The following PCDH15 variants were observed in gnomAD, a reference collection of about 807,000 sequenced individuals.
PCDH15 encodes protocadherin-15.
A neutral mutation model predicts 178.5 loss-of-function variants in PCDH15; 129 were observed. That is an observed-to-expected ratio of 0.72 (90% CI 0.63 to 0.84). The LOEUF is 0.84. Among genes scored for constraint, PCDH15 ranks in the 40% least tolerant of loss-of-function variants. PCDH15 has a pLI of 0.00. For synonymous variants in PCDH15, 800 were observed against 732.0 expected, an observed-to-expected ratio of 1.09 and a Z score of -1.50; for missense variants, 2,230 against 2,099.9, an observed-to-expected ratio of 1.06 and a Z score of -1.21.
intron 2 of PCDH15, among the ~76,000 whole-genome samples, chr10:55,618,881 G>T (rs1033953778): frequency 6.6e-6 from 1 of 152,128 alleles, no homozygotes; most frequent in East Asian, 1.9e-4. Context: ...TCTGGATGAA[G>T]GCAGATAAAG....
intron 13 of PCDH15, among the ~76,000 whole-genome samples, chr10:54,173,719 A>C (rs2047133373): frequency 6.6e-6 from 1 of 152,198 alleles, no homozygotes; most frequent in South Asian, 2.1e-4. Flanking sequence ...GTGATAGAAA[A>C]AGAAGAAAAG....
intron 2 of PCDH15, among the ~76,000 whole-genome samples, chr10:55,590,387 C>T (rs1452178587): frequency 2.6e-5 from 4 of 151,476 alleles, no homozygotes; most frequent in African/African-American, 9.7e-5. Flanking sequence ...GGGTGCAGCA[C>T]ACCAGCATGG....
intron 1 of PCDH15, among the ~76,000 whole-genome samples, chr10:55,192,666 C>T (rs1839973841): frequency 6.6e-6 from 1 of 151,622 alleles, no homozygotes; most frequent in African/African-American, 2.4e-5. Context: ...TTTCACTAAA[C>T]ATTTTTCTTC....
intron 1 of PCDH15, among the ~76,000 whole-genome samples, chr10:55,230,319 C>T (rs1441271945): frequency 1.3e-5 from 2 of 151,988 alleles, no homozygotes; most frequent in Non-Finnish European, 2.9e-5. Context: ...TACACACAGA[C>T]AGTGACATAC....
At chr10:54,453,673 AAAAG>A (rs541240119) in intron 3 of PCDH15, among the ~76,000 whole-genome samples, 109 of 152,188 alleles carry the variant, frequency 7.2e-4, no homozygotes, top group African/African-American at 2.5e-3. Flanking sequence ...AAAGAAAAAA[AAAAG>A]AAAGTGAAAT....
rs11004239 is a variant in PCDH15, at chr10:54,329,406, C to T, written c.705+190G>A. On this transcript the variant is annotated intron_variant, in intron 7 of 37. Transcript: ENST00000644397. ...TGAATAATTTAGAGGTCAAAGAATA[C>T]AGTGAATAAAAACAACCTATTCTAT... Among the ~76,000 whole-genome samples the T allele has an allele frequency of 0.68, 102,485 of 151,634 alleles. 35,371 individuals carry two copies. Among genetic ancestry groups the T allele is most frequent in the Middle Eastern group, 0.82 (240 of 294 alleles).
Position 54,356,175 on chromosome 10 carries a change from ACATTGTGTGT to A in PCDH15, c.475-9701_475-9692del, listed in dbSNP as rs1480024295. Among the ~76,000 whole-genome samples the A allele has an allele frequency of 5.3e-5, 8 of 152,204 alleles. No homozygotes were observed. In the East Asian group the frequency reaches 1.5e-3, roughly 29 times the overall value. ...CATCACTACCAATAATGAAACAGAT[ACATTGTGTGT>A]CTTTTGTGTTACATGCTATGATAAA... On this transcript the variant is annotated intron_variant, in intron 5 of 37. Transcript: ENST00000644397.
chr10:54,398,074 A>C (rs1280865354), intron 3 of PCDH15, among the ~76,000 whole-genome samples: 1 of 151,994 alleles, frequency 6.6e-6, no homozygotes, highest in East Asian at 1.9e-4. Context: ...TATCCCATGC[A>C]GAGATCAGAT....
At chr10:54,655,043 C>T (rs1397152060) in intron 2 of PCDH15, 1 of 152,290 alleles carries the variant, frequency 6.6e-6, no homozygotes, top group African/African-American at 2.4e-5. Context: ...AACCCCATCT[C>T]TACTAAAAAT....
In PCDH15 at chr10:54,527,371, A is replaced by T. The variant is rs138865357; in HGVS notation, c.157+441T>A. 1.2e-4 allele frequency among the ~76,000 whole-genome samples: 18 copies of T among 152,170 alleles called. No homozygotes were observed. The East Asian group carries it at 3.5e-3, about 29-fold the overall frequency. The stretch of plus-strand genomic sequence containing the variant: ...CTAAGCACATTAGGTTTTCCTATTA[A>T]TCAGTCACAATCACCATGTCTAATC... On this transcript the variant is annotated intron_variant, in intron 3 of 37. Coordinates refer to ENST00000644397, the MANE Select transcript of PCDH15 (RefSeq NM_001384140.1).
Position 55,583,078 on chromosome 10 carries a change from A to G in PCDH15, c.-156+44547T>C, listed in dbSNP as rs540823433. Among the ~76,000 whole-genome samples, 3 of 152,240 alleles carry G rather than the reference A, an allele frequency of 2.0e-5. No homozygotes were observed. In the East Asian group the frequency reaches 5.8e-4, roughly 29 times the overall value. ...TTTATTTACATTTTTCCTACCATCA[A>G]TCTTTACTTCATTATAAAATGCGGT... is the stretch of plus-strand genomic sequence containing the variant. On this transcript the variant is annotated intron_variant, in intron 2 of 5. Transcript: ENST00000613346.
At chr10:54,018,651 C>T (rs1023037594) in intron 20 of PCDH15, among the ~76,000 whole-genome samples, 2 of 152,046 alleles carry the variant, frequency 1.3e-5, no homozygotes, top group African/African-American at 2.4e-5. Flanking sequence ...AGCTCTTACA[C>T]ATTTTAGCGA....
In PCDH15 at chr10:54,678,848, G is replaced by T. The variant is rs146881878; in HGVS notation, c.-28-14558C>A. Among the ~76,000 whole-genome samples, 520 of 152,214 alleles carry T rather than the reference G, an allele frequency of 3.4e-3. 4 individuals are homozygous for T. Among genetic ancestry groups the T allele is most frequent in the Middle Eastern group, 0.01 (3 of 294 alleles). Reference sequence around the variant, plus strand: ...AGATATAGACCTGATGATATAGTTGGAATTCTCCAAACTCTTGCATAACAC... The same window carrying T: ...AGATATAGACCTGATGATATAGTTGTAATTCTCCAAACTCTTGCATAACAC... On this transcript the variant is annotated intron_variant, in intron 1 of 37. Transcript: ENST00000644397.
chr10:54,627,476 C>T (rs539456649), intron 2 of PCDH15, among the ~76,000 whole-genome samples: 2 of 152,256 alleles, frequency 1.3e-5, no homozygotes, highest in Admixed American at 1.3e-4. Context: ...CCTGCACAAA[C>T]TCTCTCTTTG....
chr10:55,391,244 G>C (rs1837785281), intron 2 of PCDH15, among the ~76,000 whole-genome samples: 1 of 149,614 alleles, frequency 6.7e-6, no homozygotes, highest in African/African-American at 2.5e-5. Context: ...TACAGAGACA[G>C]CTTTTTTTTT....
intron 2 of PCDH15, among the ~76,000 whole-genome samples, chr10:55,369,883 G>C (rs776680764): frequency 6.6e-6 from 1 of 151,892 alleles, no homozygotes; most frequent in Non-Finnish European, 1.5e-5. Context: ...GTCCTGGACT[G>C]AGACACATGC....
rs35867768 is a variant in PCDH15, at chr10:53,948,320, A to AT, written c.3123-7346dup. Among the ~76,000 whole-genome samples, 451 of 151,256 alleles carry AT rather than the reference A, an allele frequency of 3.0e-3. 2 individuals carry two copies. Among genetic ancestry groups the AT allele is most frequent in the South Asian group, 6.5e-3 (31 of 4,764 alleles). On this transcript the variant is annotated intron_variant, in intron 23 of 37. Coordinates refer to ENST00000644397, the MANE Select transcript of PCDH15 (RefSeq NM_001384140.1). ...TATTCCTCTCGCTTGAAAATTTACA[A>AT]TTTTTTTTTAGTGAGACCGAGTGTA...
intron 2 of PCDH15, chr10:54,600,299 A>G (rs56196811): frequency 0.029 from 15,641 of 543,934 alleles, 514 homozygotes; most frequent in Admixed American, 0.12. Context: ...GAAGGGAGTG[A>G]TAAAGATTCC....
intron 21 of PCDH15, among the ~76,000 whole-genome samples, chr10:53,985,234 T>C (rs971828155): frequency 7.2e-5 from 11 of 152,194 alleles, no homozygotes; most frequent in South Asian, 2.1e-4. Context: ...TATAATGGTA[T>C]TGCTTTCTTT....
Sources: gnomAD v4.1 joint callset for allele counts (sites outside exome capture counted in the v4.1 genomes callset) on GRCh38, gnomAD v4.1.1 for gene constraint, MANE v1.5 for transcripts, NCBI Gene and HGNC (gene_info 2026-07-23, HGNC 2026-07-21) for gene names.